Variants in CTDSPL2 observed in about 807,000 individuals in gnomAD.
The protein encoded by CTDSPL2 is CTD small phosphatase-like protein 2.
A neutral mutation model predicts 60.0 loss-of-function variants in CTDSPL2; 5 were observed. The observed-to-expected ratio is 0.08, with a 90% confidence interval of 0.04 to 0.18. The LOEUF is 0.18. CTDSPL2 is among the 10% of genes least tolerant of loss of function. CTDSPL2 has a pLI of 1.00. For synonymous variants in CTDSPL2, 186 were observed against 189.3 expected (o/e 0.98, Z 0.14); for missense variants, 370 against 548.8 (o/e 0.67, Z 3.26).
chr15:44,478,452 CAAAAAAAAAAAAAAAAAAAA>C (rs61080056), intron 2 of CTDSPL2, among the ~76,000 whole-genome samples: 8 of 38,018 alleles, frequency 2.1e-4, no homozygotes, highest in African/African-American at 7.2e-4. Context: ...GACTCTGTCT[CAAAAAAAAAAAAAAAAAAAA>C]AAAAAAAAAA....
At chr15:44,435,475 C>T (rs997168809) in intron 1 of CTDSPL2, among the ~76,000 whole-genome samples, 29 of 150,782 alleles carry the variant, frequency 1.9e-4, no homozygotes, top group Non-Finnish European at 3.1e-4. Flanking sequence ...GAGGCTGAGA[C>T]AGGGAATTGC....
At chr15:44,515,476 G>T (rs2081633490) in intron 10 of CTDSPL2, among the ~76,000 whole-genome samples, 1 of 152,114 alleles carries the variant, frequency 6.6e-6, no homozygotes, top group African/African-American at 2.4e-5. Context: ...GCTGAAGTGA[G>T]ATAGTAAGAC....
At chr15:44,464,924 T>A (rs2080653260) in intron 2 of CTDSPL2, among the ~76,000 whole-genome samples, 1 of 152,154 alleles carries the variant, frequency 6.6e-6, no homozygotes, top group African/African-American at 2.4e-5. Flanking sequence ...CAGGCTGGTC[T>A]TGAACTCCTG....
intron 2 of CTDSPL2, among the ~76,000 whole-genome samples, chr15:44,469,287 T>C (rs536468590): frequency 1.3e-5 from 2 of 152,320 alleles, no homozygotes; most frequent in African/African-American, 4.8e-5. Flanking sequence ...AATATTATTG[T>C]TCTTTTGATG....
At position 44,473,238 on chromosome 15, in the gene CTDSPL2, G is replaced by A. The variant is rs190286601; in HGVS notation, c.187-10986G>A. ...TTGTTTATTTTTTATTTTGTTGCTT[G>A]TGCTTTTGGTATATCCAAGAAACTA... On this transcript the variant is annotated intron_variant, in intron 2 of 12. Coordinates refer to ENST00000260327, the MANE Select transcript of CTDSPL2 (RefSeq NM_016396.3). Among the ~76,000 whole-genome samples the A allele has an allele frequency of 4.5e-3, 680 of 152,266 alleles. 4 individuals carry two copies. Among genetic ancestry groups the A allele is most frequent in the African/African-American group, 0.016 (647 of 41,550 alleles).
chr15:44,467,871 G>A (rs2080727850), intron 2 of CTDSPL2, among the ~76,000 whole-genome samples: 1 of 152,174 alleles, frequency 6.6e-6, no homozygotes, highest in South Asian at 2.1e-4. Flanking sequence ...CACTGTGGCA[G>A]GCCCCTCTTA....
chr15:44,437,630 G>T (rs1363348962), intron 1 of CTDSPL2, among the ~76,000 whole-genome samples: 1 of 152,150 alleles, frequency 6.6e-6, no homozygotes, highest in East Asian at 1.9e-4. Flanking sequence ...TGGCCTTTTT[G>T]AGAGAGATTA....
At chr15:44,506,025 C>CTTTTTTTTTTTTTTTT (rs753896129) in intron 8 of CTDSPL2, among the ~76,000 whole-genome samples, 51 of 117,580 alleles carry the variant, frequency 4.3e-4, no homozygotes, top group East Asian at 1.6e-3. Context: ...TCATTGGTAA[C>CTTTTTTTTTTTTTTTT]TTTTTTTTTT....
intron 8 of CTDSPL2, among the ~76,000 whole-genome samples, chr15:44,501,003 A>G (rs1386673982): frequency 1.3e-5 from 2 of 152,168 alleles, no homozygotes; most frequent in Non-Finnish European, 1.5e-5. Flanking sequence ...TTCAAAACTG[A>G]TGATTATTTG....
intron 1 of CTDSPL2, among the ~76,000 whole-genome samples, chr15:44,449,565 A>G (rs995469444): frequency 1.2e-4 from 19 of 152,178 alleles, no homozygotes; most frequent in African/African-American, 4.6e-4. Flanking sequence ...TCCTGAGCTC[A>G]GGCAGTCCGC....
chr15:44,475,666 C>T lies in CTDSPL2; in HGVS notation c.187-8558C>T, dbSNP rs148390977. ...AAAAAAAAAAAAAAGATTCTTCAGA[C>T]GCTTTTTCATTTTTAGTTTGAAAAA... On this transcript the variant is annotated intron_variant, in intron 2 of 12. Coordinates refer to ENST00000260327, the MANE Select transcript of CTDSPL2 (RefSeq NM_016396.3). Among the ~76,000 whole-genome samples the T allele has an allele frequency of 5.1e-3, 775 of 151,658 alleles. 8 individuals carry two copies. The highest frequency in any genetic ancestry group is 5.6e-3 in the Non-Finnish European group (383 of 67,898).
chr15:44,494,587 G>T (rs1375108888), intron 5 of CTDSPL2, among the ~76,000 whole-genome samples: 1 of 151,686 alleles, frequency 6.6e-6, no homozygotes, highest in Admixed American at 6.6e-5. Flanking sequence ...AACAGAGCAG[G>T]ACCCTGTCTC....
At chr15:44,459,779 C>T (rs1333352949) in intron 2 of CTDSPL2, among the ~76,000 whole-genome samples, 3 of 152,104 alleles carry the variant, frequency 2.0e-5, no homozygotes, top group Non-Finnish European at 2.9e-5. Context: ...CTTTTACTTT[C>T]ATTTTCTTTC....
intron 12 of CTDSPL2, among the ~76,000 whole-genome samples, 180 bp downstream of exon 12, chr15:44,521,586 G>T (rs2081768745): frequency 6.6e-6 from 1 of 152,162 alleles, no homozygotes; most frequent in South Asian, 2.1e-4. Context: ...CAGGAGGATT[G>T]ATTGAGCCTA....
At chr15:44,444,800 G>A (rs1287011782) in intron 1 of CTDSPL2, among the ~76,000 whole-genome samples, 3 of 147,240 alleles carry the variant, frequency 2.0e-5, no homozygotes. Context: ...CTTTAGTAGG[G>A]GTACAGATAG....
At chr15:44,457,452 T>G (rs147419489) in intron 1 of CTDSPL2, among the ~76,000 whole-genome samples, 164 of 152,342 alleles carry the variant, frequency 1.1e-3, no homozygotes, top group Non-Finnish European at 1.8e-3. Flanking sequence ...CTTATGCAGC[T>G]TCTTCACCTC....
chr15:44,447,216 A>G (rs2080235683), intron 1 of CTDSPL2, among the ~76,000 whole-genome samples: 1 of 152,248 alleles, frequency 6.6e-6, no homozygotes, highest in African/African-American at 2.4e-5. Flanking sequence ...ATGAGAAAGC[A>G]TTTATCACAG....
At chr15:44,434,250 A>T (rs2079926937) in intron 1 of CTDSPL2, among the ~76,000 whole-genome samples, 1 of 152,068 alleles carries the variant, frequency 6.6e-6, no homozygotes, top group Non-Finnish European at 1.5e-5. Flanking sequence ...AAATACAAAA[A>T]TTAGCTGGGC....
intron 2 of CTDSPL2, among the ~76,000 whole-genome samples, chr15:44,467,884 C>G (rs2080728449): frequency 6.6e-6 from 1 of 152,090 alleles, no homozygotes; most frequent in African/African-American, 2.4e-5. Context: ...CCCTCTTATT[C>G]TTTTAATGTA....
Sources: allele counts gnomAD v4.1 joint callset (sites outside exome capture counted in the v4.1 genomes callset), GRCh38; gene constraint gnomAD v4.1.1; transcripts MANE v1.5; gene names NCBI Gene and HGNC (gene_info 2026-07-23, HGNC 2026-07-21).